The following LY86 variants were observed in gnomAD, a reference collection of about 807,000 sequenced individuals.
LY86 encodes the protein lymphocyte antigen 86.
In LY86, 20 loss-of-function variants were observed where a neutral mutation model predicts 17.3. The ratio of observed to expected loss-of-function variants is 1.15; its 90% CI spans 0.81 to 1.68. The LOEUF is 1.68. Ranked by LOEUF, LY86 falls within the 40% of genes most tolerant of loss-of-function variation. The pLI, the probability that LY86 is intolerant of heterozygous loss-of-function variation, is 0.00. For missense variants in LY86, 200 were observed against 191.9 expected, an observed-to-expected ratio of 1.04 and a Z score of -0.25; for synonymous variants, 74 against 70.6, an observed-to-expected ratio of 1.05 and a Z score of -0.24.
At chr6:6,653,248 A>G (rs1159664982) in intron 4 of LY86, among the ~76,000 whole-genome samples, 1 of 151,914 alleles carries the variant, frequency 6.6e-6, no homozygotes, top group South Asian at 2.1e-4. Flanking sequence ...GCTCCCTTCT[A>G]ACAAAAGCCA....
rs533217662 is a variant in LY86 at position 6,625,460 on chromosome 6, G to A, written c.223+448G>A. Among the ~76,000 whole-genome samples the A allele has an allele frequency of 9.2e-4, 140 of 152,166 alleles. 1 individual carries two copies. Among genetic ancestry groups the A allele is most frequent in the Admixed American group, 1.3e-3 (20 of 15,280 alleles). Reference sequence around the variant, plus strand: ...TCTTAAACTTTGACATCGGCAAGGAGGAGATGTAATATTTTCTCTCCTACC... The same window carrying A: ...TCTTAAACTTTGACATCGGCAAGGAAGAGATGTAATATTTTCTCTCCTACC... On this transcript the variant is annotated intron_variant, in intron 2 of 4. Transcript: ENST00000230568.
At chr6:6,607,440 T>C (rs567232776) in intron 1 of LY86, among the ~76,000 whole-genome samples, 2 of 152,260 alleles carry the variant, frequency 1.3e-5, no homozygotes, top group African/African-American at 4.8e-5. Flanking sequence ...CAAAGGTAAG[T>C]ACTACCTGAC....
chr6:6,613,230 C>CT (rs76243069), intron 1 of LY86, among the ~76,000 whole-genome samples: 30,803 of 152,240 alleles, frequency 0.2, 3,406 homozygotes, highest in East Asian at 0.33. Flanking sequence ...GGATCCGGCA[C>CT]TAGGGCCGCA....
chr6:6,605,935 T>G (rs1008302955), intron 1 of LY86, among the ~76,000 whole-genome samples: 1 of 152,154 alleles, frequency 6.6e-6, no homozygotes, highest in Non-Finnish European at 1.5e-5. Context: ...ACCTTCACAG[T>G]ATGGGTTATA....
intron 1 of LY86, among the ~76,000 whole-genome samples, chr6:6,618,928 T>A (rs1761614563): frequency 6.6e-6 from 1 of 151,704 alleles, no homozygotes; most frequent in Admixed American, 6.6e-5. Flanking sequence ...TCCACAAAGG[T>A]GGGGAGGGAG....
intron 3 of LY86, among the ~76,000 whole-genome samples, chr6:6,633,973 T>A (rs1392520070): frequency 1.3e-5 from 2 of 152,230 alleles, no homozygotes; most frequent in Non-Finnish European, 2.9e-5. Context: ...GAATCTTCTT[T>A]GAGACCTTGA....
chr6:6,637,265 C>T (rs1375676588), intron 3 of LY86, among the ~76,000 whole-genome samples: 1 of 152,124 alleles, frequency 6.6e-6, no homozygotes, highest in African/African-American at 2.4e-5. Flanking sequence ...CCCACCTCGG[C>T]CTCCCAAAGT....
chr6:6,627,103 G>T (rs868800791), intron 3 of LY86, among the ~76,000 whole-genome samples: 1 of 152,110 alleles, frequency 6.6e-6, no homozygotes, highest in African/African-American at 2.4e-5. Flanking sequence ...TTAAAACCTG[G>T]CTCTATTCTC....
chr6:6,626,346 T>C lies in LY86; in HGVS notation c.277T>C (p.Ser93Pro), dbSNP rs5743649. 1,273 of 1,614,086 alleles carry C rather than the reference T, an allele frequency of 7.9e-4. 5 individuals carry two copies. In the African/African-American group the frequency reaches 0.011, roughly 14 times the overall value. ...LDLALMSQGS[S>P]VLNFSYPICE... ...CCTAGCTCTCATGTCTCAAGGCTCA[T>C]CTGTTTTGAATTTCTCCTATCCCAT... Residue 93 changes from serine (S) to proline (P), a missense_variant, in exon 3 of 5, where the codon TCT becomes CCT. Physicochemically the swap from Ser to Pro is moderately conservative, Grantham distance 74 (BLOSUM62 -1). Transcript: ENST00000230568.
intron 1 of LY86, among the ~76,000 whole-genome samples, chr6:6,602,101 C>G (rs56312221): frequency 0.067 from 10,227 of 152,280 alleles, 454 homozygotes; most frequent in Middle Eastern, 0.15. Context: ...CAAAGCACTT[C>G]CAGGAAACAT....
intron 3 of LY86, among the ~76,000 whole-genome samples, chr6:6,634,665 C>T (rs550539026): frequency 6.6e-6 from 1 of 152,322 alleles, no homozygotes; most frequent in African/African-American, 2.4e-5. Flanking sequence ...CTGTGATCCT[C>T]CCAGTATCAT....
At chr6:6,613,561 A>G (rs919754851) in intron 1 of LY86, among the ~76,000 whole-genome samples, 1 of 151,986 alleles carries the variant, frequency 6.6e-6, no homozygotes, top group African/African-American at 2.4e-5. Context: ...CGCCGATCCC[A>G]CGCCCACCGG....
chr6:6,616,558 C>A (rs1266928982), intron 1 of LY86, among the ~76,000 whole-genome samples: 1 of 152,192 alleles, frequency 6.6e-6, no homozygotes, highest in Non-Finnish European at 1.5e-5. Flanking sequence ...CATTTGAGGA[C>A]CTCCTGGTAC....
At chr6:6,608,134 T>G (rs184042852) in intron 1 of LY86, among the ~76,000 whole-genome samples, 475 of 152,348 alleles carry the variant, frequency 3.1e-3, no homozygotes, top group Non-Finnish European at 5.4e-3. Flanking sequence ...TCACTGCCAC[T>G]TGTATTCAGC....
intron 1 of LY86, among the ~76,000 whole-genome samples, chr6:6,603,238 C>T (rs1386436310): frequency 6.6e-6 from 1 of 152,114 alleles, no homozygotes; most frequent in African/African-American, 2.4e-5. Context: ...TAGGTTTTAA[C>T]ATATAAATCT....
intron 1 of LY86, among the ~76,000 whole-genome samples, chr6:6,613,045 C>T (rs1761428926): frequency 6.6e-6 from 1 of 152,110 alleles, no homozygotes; most frequent in Non-Finnish European, 1.5e-5. Flanking sequence ...CTTGGCTAGA[C>T]ATAAAGCTTC....
chr6:6,591,160 T>C (rs1247831676), intron 1 of LY86: 2 of 153,844 alleles, frequency 1.3e-5, no homozygotes, highest in Admixed American at 6.5e-5. Flanking sequence ...ACTCACCCTC[T>C]GCCTGCAGCC....
At chr6:6,594,088 C>T (rs9328377) in intron 1 of LY86, among the ~76,000 whole-genome samples, 108,361 of 152,122 alleles carry the variant, frequency 0.71, 40,162 homozygotes, top group Non-Finnish European at 0.81. Flanking sequence ...AAGGGCCCAG[C>T]GTTATAATTT....
intron 1 of LY86, among the ~76,000 whole-genome samples, chr6:6,610,928 G>T (rs1355254182): frequency 6.6e-6 from 1 of 152,174 alleles, no homozygotes; most frequent in Non-Finnish European, 1.5e-5. Flanking sequence ...TTTTGCCAAG[G>T]AAGGCTCCTT....
Sources: allele counts gnomAD v4.1 joint callset (sites outside exome capture counted in the v4.1 genomes callset), GRCh38; gene constraint gnomAD v4.1.1; transcripts MANE v1.5; gene names NCBI Gene and HGNC (gene_info 2026-07-23, HGNC 2026-07-21).